The following LRP10 variants were observed in gnomAD, a reference collection of about 807,000 sequenced individuals.
LRP10 encodes the protein LDL receptor related protein 10.
LRP10 carries 42 observed loss-of-function variants against 58.5 expected under a neutral mutation model. That is an observed-to-expected ratio of 0.72 (90% CI 0.56 to 0.93). The LOEUF (loss-of-function observed/expected upper bound fraction) is 0.93, where lower values mean the gene tolerates loss of function less well. Among genes scored for constraint, LRP10 ranks in the 40% least tolerant of loss-of-function variants. The pLI is 0.00. For synonymous variants in LRP10, 377 were observed against 388.5 expected (o/e 0.97, Z 0.35); for missense variants, 872 against 940.1 (o/e 0.93, Z 0.95).
intron 6 of LRP10, 41 bp downstream of exon 6, chr14:22,876,859 T>C (rs746482683): frequency 6.2e-7 from 1 of 1,607,552 alleles, no homozygotes. Flanking sequence ...CTGGTCCCAG[T>C]TCTGCTGTGG....
chr14:22,876,753 G>A lies in LRP10; in HGVS notation c.1489G>A (p.Gly497Arg), dbSNP rs746745524. The part of the protein sequence containing the change: ...IVQQQAPPSY[G>R]QLIAQGAIPP... ...GCAGCAGCAGGCACCCCCTTCCTAC[G>A]GGCAGCTCATTGCCCAGGGTGCCAT... The change falls in exon 6 of 7, where the codon GGG (glycine) becomes AGG (arginine). Residue 497 changes from glycine (G) to arginine (R), a missense_variant. Coordinates refer to ENST00000359591, the MANE Select transcript of LRP10 (RefSeq NM_014045.5). 17 of 1,613,576 alleles carry A rather than the reference G, an allele frequency of 1.1e-5. No individual in the cohort carries two copies. The highest frequency in any genetic ancestry group is 4.5e-5 in the East Asian group (2 of 44,866).
chr14:22,876,478 A>G (rs2040007782), intron 5 of LRP10, 106 bp downstream of exon 5: 1 of 1,421,208 alleles, frequency 7.0e-7, no homozygotes, highest in Non-Finnish European at 9.7e-7. Context: ...AGAGGCTCCC[A>G]TGATCAGCTT....
chr14:22,875,048 C>G lies in LRP10; in HGVS notation c.216-7C>G. On this transcript the variant is annotated splice_region_variant and splice_polypyrimidine_tract_variant and intron_variant, in intron 3 of 6. Transcript: ENST00000359591. ...ATCTCATGTCCTGCTCTCCTCTACTCCCATAGGTTCCAGAAGCTACACCTG... is the reference window on the plus strand; with the variant it reads ...ATCTCATGTCCTGCTCTCCTCTACTGCCATAGGTTCCAGAAGCTACACCTG... 6.4e-7 allele frequency: 1 copy of G among 1,553,460 alleles called. No homozygotes were observed. Among genetic ancestry groups the G allele is most frequent in the Non-Finnish European group, 8.7e-7 (1 of 1,147,544 alleles).
chr14:22,872,778 T>A lies in LRP10; in HGVS notation c.75T>A (p.Asn25Lys), dbSNP rs764177065. 6.2e-7 allele frequency: 1 copy of A among 1,614,002 alleles called. No individual in the cohort carries two copies. Among genetic ancestry groups the A allele is most frequent in the African/African-American group, 1.3e-5 (1 of 74,904 alleles). Residue 25 changes from asparagine to lysine, a missense_variant, in exon 2 of 7, where the codon AAT becomes AAA. Transcript: ENST00000359591. ...LAHPDRIIFP[N>K]HACEDPPAVL... ...ATCCAGACCGGATTATTTTTCCAAATCATGGTGAGTTGAGGGAACCTCTGG... is the reference window on the plus strand; with the variant it reads ...ATCCAGACCGGATTATTTTTCCAAAACATGGTGAGTTGAGGGAACCTCTGG...
rs909177192 is a variant in LRP10, at chr14:22,879,817, A to G, written c.*2290A>G. 2 of 152,350 alleles carry G rather than the reference A, an allele frequency of 1.3e-5. No homozygotes were observed. The highest frequency in any genetic ancestry group is 4.8e-5 in the African/African-American group (2 of 41,450). The allele number at this position is 152,350 out of a possible 1,614,324, so 9.4% of individuals were successfully genotyped here. A position where few individuals can be genotyped will look rare whatever the true frequency, so the allele number is the denominator to read the frequency against. On this transcript the variant is annotated 3_prime_UTR_variant, in exon 7 of 7. Coordinates refer to ENST00000359591, the MANE Select transcript of LRP10 (RefSeq NM_014045.5). Reference sequence around the variant, plus strand: ...AGCCGGGATAGGGGACTGACCTTGTACAGGCAGCATGGAGAAACTAAGACA... The same window carrying G: ...AGCCGGGATAGGGGACTGACCTTGTGCAGGCAGCATGGAGAAACTAAGACA...
rs778875528 is a variant in LRP10 at position 22,881,318 on chromosome 14, C to T, written c.*3791C>T. 4 of 152,084 alleles carry T rather than the reference C, an allele frequency of 2.6e-5. No homozygotes were observed. Among genetic ancestry groups the T allele is most frequent in the Admixed American group, 2.6e-4 (4 of 15,264 alleles). The allele number at this position is 152,084 out of a possible 1,614,324, so 9.4% of individuals were successfully genotyped here. Reference sequence around the variant, plus strand: ...ATGATCGCACCACTGCAGTCCAGCCCGAGCAATAGGGTGAGACCCTCCCTC... The same window carrying T: ...ATGATCGCACCACTGCAGTCCAGCCTGAGCAATAGGGTGAGACCCTCCCTC... On this transcript the variant is annotated 3_prime_UTR_variant, in exon 7 of 7. Transcript: ENST00000359591.
rs1439416054 is a variant in LRP10 at position 22,877,202 on chromosome 14, G to A, written c.1817G>A (p.Gly606Asp). ...CCAGCCCGTGAGGGCGGGGCAGTGG[G>A]TGGGCAAGATGGGGAGCAGGCACCC... is the stretch of plus-strand genomic sequence containing the variant. ...TGPAREGGAV[G>D]GQDGEQAPPL... is the part of the protein sequence containing the mutation. The change falls in exon 7 of 7, where the codon GGT becomes GAT. Residue 606 changes from glycine (G) to aspartate (D), a missense_variant. By Grantham distance (94) the Gly-to-Asp change is moderately conservative (BLOSUM62 -1). Transcript: ENST00000359591. The surrounding 1 kb of genome is among the most constrained non-coding windows in gnomAD (Gnocchi z 5.1). The A allele has an allele frequency of 6.3e-7, 1 of 1,599,818 alleles. No homozygotes were observed. The highest frequency in any genetic ancestry group is 1.3e-5 in the African/African-American group (1 of 74,566).
rs777150867 is a variant in LRP10, at chr14:22,877,387, C to T, written c.2002C>T (p.Pro668Ser). ...LRGRLLPSLG[P>S]PGPTRSPPGP... ...AGGCCGCCTGTTGCCCAGCCTGGGG[C>T]CCCCAGGACCAACCCGGAGCCCCCC... The change falls in exon 7 of 7, where the codon CCC becomes TCC. Residue 668 changes from proline (P) to serine (S), a missense_variant. Transcript: ENST00000359591. This position sits in a 1 kb window ranked among gnomAD's most constrained non-coding sequence, Gnocchi z 5.1. The T allele has an allele frequency of 3.7e-5, 60 of 1,613,336 alleles. 3 individuals are homozygous for T. The South Asian group carries it at 6.2e-4, about 17-fold the overall frequency.
In LRP10 at chr14:22,876,179, T is replaced by C; in HGVS notation, c.1231T>C (p.Cys411Arg). Residue 411 changes from cysteine to arginine, a missense_variant, in exon 5 of 7, where the codon TGC (cysteine) becomes CGC (arginine). Transcript: ENST00000359591. The stretch of plus-strand genomic sequence containing the variant: ...CAATTTCCGATGCCGGGACGAGAAG[T>C]GCGTGTATGAGACGTGGGTGTGCGA... ...PGNFRCRDEKCVYETWVCDGQ... is the reference protein window; with the variant it reads ...PGNFRCRDEKRVYETWVCDGQ... 1 of 1,614,134 alleles carries C rather than the reference T, an allele frequency of 6.2e-7. No individual in the cohort carries two copies. Among genetic ancestry groups the C allele is most frequent in the Non-Finnish European group, 8.5e-7 (1 of 1,180,016 alleles).
chr14:22,877,344 AGTG>A lies in LRP10; in HGVS notation c.1963_1965del (p.Val655del). 1.2e-6 allele frequency: 2 copies of A among 1,612,838 alleles called. No homozygotes were observed. Among genetic ancestry groups the A allele is most frequent in the Non-Finnish European group, 1.7e-6 (2 of 1,179,432 alleles). The stretch of plus-strand genomic sequence containing the variant: ...CCCTAGAGCCATCACTATTGTCTGG[AGTG>A]GTGCAGGCCCTGCGAGGCCGCCTGT... On this transcript the variant is annotated inframe_deletion, in exon 7 of 7. Coordinates refer to ENST00000359591, the MANE Select transcript of LRP10 (RefSeq NM_014045.5). This position sits in a 1 kb window ranked among gnomAD's most constrained non-coding sequence, Gnocchi z 5.1.
chr14:22,872,143 C>CA lies in LRP10; in HGVS notation c.-161_-160insA. 1.4e-6 allele frequency: 1 copy of CA among 700,668 alleles called. No homozygotes were observed. Among genetic ancestry groups the CA allele is most frequent in the Non-Finnish European group, 2.5e-6 (1 of 403,374 alleles). 43.4% of individuals were successfully genotyped at this position (700,668 alleles called of 1,614,324 possible). On this transcript the variant is annotated 5_prime_UTR_variant, in exon 1 of 7. Coordinates refer to ENST00000359591, the MANE Select transcript of LRP10 (RefSeq NM_014045.5). ...TACTCCCGGGCTGCCGCCGCCTCCC[C>CA]GCCCCCAGCCCTGGCATCCAGAGTA...
Position 22,875,223 on chromosome 14 carries a change from CT to C in LRP10, c.386del (p.Phe129SerfsTer10). 1 of 1,602,272 alleles carries C rather than the reference CT, an allele frequency of 6.2e-7. No individual in the cohort carries two copies. Among genetic ancestry groups the C allele is most frequent in the South Asian group, 1.1e-5 (1 of 89,394 alleles). On this transcript the variant is annotated frameshift_variant, in exon 4 of 7. Coordinates refer to ENST00000359591, the MANE Select transcript of LRP10 (RefSeq NM_014045.5). LOFTEE classifies it high-confidence loss of function. Reference protein sequence around the residue: ...AGARAPMGQGFLLSYSQDWLM... With the variant: ...AGARAPMGQGXLLSYSQDWLM... ...GGGCCAGAGCACCCATGGGCCAGGG[CT>C]TCCTGCTCTCCTACAGCCAAGGTAG...
In LRP10 at chr14:22,872,277, C is replaced by T. The variant is rs1219796297; in HGVS notation, c.-27C>T. On this transcript the variant is annotated 5_prime_UTR_variant, in exon 1 of 7. Coordinates refer to ENST00000359591, the MANE Select transcript of LRP10 (RefSeq NM_014045.5). The stretch of plus-strand genomic sequence containing the variant: ...GGGTAGACCACAGAAGCTCCGGGAC[C>T]CTTCCGGCACCTCTGGACAGCCCAG... 6.2e-7 allele frequency: 1 copy of T among 1,613,624 alleles called. No individual in the cohort carries two copies. Among genetic ancestry groups the T allele is most frequent in the Non-Finnish European group, 8.5e-7 (1 of 1,179,708 alleles).
chr14:22,872,441 C>G, intron 1 of LRP10, 104 bp downstream of exon 1: 2 of 1,379,826 alleles, frequency 1.4e-6, no homozygotes, highest in South Asian at 1.2e-5. Flanking sequence ...CCCATTCCCC[C>G]CAGCCCCTGC....
chr14:22,872,902 C>A, intron 2 of LRP10, 120 bp downstream of exon 2: 1 of 1,012,674 alleles, frequency 9.9e-7, no homozygotes, highest in Non-Finnish European at 1.5e-6. Flanking sequence ...GATAATTTAG[C>A]CTTTATTTAT....
In LRP10 at chr14:22,878,847, C is replaced by T. The variant is rs1463164932; in HGVS notation, c.*1320C>T. The T allele has an allele frequency of 2.2e-5, 5 of 231,754 alleles. No individual in the cohort carries two copies. The highest frequency in any genetic ancestry group is 1.3e-4 in the Admixed American group (3 of 23,028). 14.4% of individuals were successfully genotyped at this position (231,754 alleles called of 1,614,324 possible). A position where few individuals can be genotyped will look rare whatever the true frequency, so the allele number is the denominator to read the frequency against. ...GGGGTGGGTGATGGAGGGAATGATT[C>T]GCAAGCAGTGTTGGAACCCAGCCCC... is the stretch of plus-strand genomic sequence containing the variant. On this transcript the variant is annotated 3_prime_UTR_variant, in exon 7 of 7. Coordinates refer to ENST00000359591, the MANE Select transcript of LRP10 (RefSeq NM_014045.5).
In LRP10 at chr14:22,875,689, G is replaced by A. The variant is rs750268799; in HGVS notation, c.741G>A (p.Val247=). 42 of 1,614,036 alleles carry A rather than the reference G, an allele frequency of 2.6e-5. No individual in the cohort carries two copies. In the South Asian group the frequency reaches 4.5e-4, roughly 17 times the overall value. The part of the protein sequence containing the change: ...TALDLGFGDA[V]HVYDGPGPPE... ...TGGACTTGGGCTTTGGAGATGCAGT[G>A]CATGTGTATGACGGCCCTGGGCCCC... is the stretch of plus-strand genomic sequence containing the variant. Residue 247 remains valine (V), a synonymous_variant, in exon 5 of 7, where the codon GTG becomes GTA. Transcript: ENST00000359591.
chr14:22,872,132 C>T lies in LRP10; in HGVS notation c.-172C>T. ...GGCACCGCCCCTACTCCCGGGCTGC[C>T]GCCGCCTCCCCGCCCCCAGCCCTGG... On this transcript the variant is annotated 5_prime_UTR_variant, in exon 1 of 7. Coordinates refer to ENST00000359591, the MANE Select transcript of LRP10 (RefSeq NM_014045.5). The T allele has an allele frequency of 1.5e-6, 1 of 660,612 alleles. No homozygotes were observed. The highest frequency in any genetic ancestry group is 2.7e-6 in the Non-Finnish European group (1 of 374,098). 40.9% of individuals were successfully genotyped at this position (660,612 alleles called of 1,614,324 possible). A position where few individuals can be genotyped will look rare whatever the true frequency, so the allele number is the denominator to read the frequency against.
rs1227673952 is a variant in LRP10 at position 22,878,571 on chromosome 14, G to A, written c.*1044G>A. On this transcript the variant is annotated 3_prime_UTR_variant, in exon 7 of 7. Transcript: ENST00000359591. The stretch of plus-strand genomic sequence containing the variant: ...CCAGGATACCTCAAGGCAGGCAAAG[G>A]TGAGTGGAGGGAGAATTCACAAACA... 6.5e-6 allele frequency: 1 copy of A among 153,420 alleles called. No individual in the cohort carries two copies. The highest frequency in any genetic ancestry group is 1.5e-5 in the Non-Finnish European group (1 of 68,890). The allele number at this position is 153,420 out of a possible 1,614,324, so 9.5% of individuals were successfully genotyped here.
Sources: gnomAD v4.1 joint callset for allele counts on GRCh38, gnomAD v4.1.1 for gene constraint, Gnocchi (gnomAD v3.1) non-coding constraint, MANE v1.5 for transcripts, NCBI Gene and HGNC (gene_info 2026-07-23, HGNC 2026-07-21) for gene names.